Variants in DYNC1I1 observed in about 807,000 individuals in gnomAD.
DYNC1I1 encodes the protein cytoplasmic dynein 1 intermediate chain 1.
A neutral mutation model predicts 86.6 loss-of-function variants in DYNC1I1; 43 were observed. The observed-to-expected ratio is 0.50, with a 90% confidence interval of 0.39 to 0.64. The LOEUF is 0.64. DYNC1I1 is among the 30% of genes least tolerant of loss of function. The pLI is 0.00. For missense variants in DYNC1I1, 604 were observed against 788.8 expected, an observed-to-expected ratio of 0.77 and a Z score of 2.81; for synonymous variants, 262 against 283.7, an observed-to-expected ratio of 0.92 and a Z score of 0.77.
intron 10 of DYNC1I1, among the ~76,000 whole-genome samples, chr7:95,999,437 A>G (rs1793955821): frequency 6.6e-6 from 1 of 152,114 alleles, no homozygotes; most frequent in Admixed American, 6.5e-5. Context: ...TGAAACCCTC[A>G]CTATGTCAGG....
intron 6 of DYNC1I1, among the ~76,000 whole-genome samples, chr7:95,937,808 T>C (rs62467686): frequency 0.15 from 22,238 of 151,958 alleles, 2,035 homozygotes; most frequent in Non-Finnish European, 0.21. Flanking sequence ...GTAGAAGAAA[T>C]AAATATATAC....
chr7:96,032,335 C>A (rs1043267694), intron 11 of DYNC1I1, among the ~76,000 whole-genome samples: 1 of 152,144 alleles, frequency 6.6e-6, no homozygotes, highest in African/African-American at 2.4e-5. Context: ...CCAAACTATG[C>A]GGTGGAGACT....
chr7:96,081,615 C>G (rs1243668024), intron 16 of DYNC1I1, among the ~76,000 whole-genome samples: 1 of 151,952 alleles, frequency 6.6e-6, no homozygotes, highest in Non-Finnish European at 1.5e-5. Context: ...GAAAATATAC[C>G]ACATTTGTAT....
chr7:95,979,710 A>T (rs948061812), intron 7 of DYNC1I1, among the ~76,000 whole-genome samples: 6 of 152,220 alleles, frequency 3.9e-5, no homozygotes, highest in East Asian at 1.9e-4. Context: ...GACATTGAGA[A>T]GTTCAATCGT....
chr7:95,777,986 C>CT (rs1429801732), intron 1 of DYNC1I1, among the ~76,000 whole-genome samples: 1 of 152,130 alleles, frequency 6.6e-6, no homozygotes, highest in Non-Finnish European at 1.5e-5. Flanking sequence ...ATGTTGTAAA[C>CT]TTTGACAGTT....
intron 6 of DYNC1I1, among the ~76,000 whole-genome samples, chr7:95,934,084 A>C (rs1791975820): frequency 6.6e-6 from 1 of 152,124 alleles, no homozygotes; most frequent in Non-Finnish European, 1.5e-5. Context: ...AACAGTGATA[A>C]AGAAGAAAAT....
intron 10 of DYNC1I1, among the ~76,000 whole-genome samples, chr7:96,004,565 A>G (rs558181719): frequency 6.6e-6 from 1 of 152,124 alleles, no homozygotes; most frequent in East Asian, 1.9e-4. Flanking sequence ...TAAAATGTTC[A>G]TGATAAATAT....
intron 6 of DYNC1I1, among the ~76,000 whole-genome samples, chr7:95,878,777 G>A (rs1790373230): frequency 6.6e-6 from 1 of 152,050 alleles, no homozygotes; most frequent in Non-Finnish European, 1.5e-5. Context: ...CATAGACACA[G>A]CATAGTACAA....
intron 6 of DYNC1I1, among the ~76,000 whole-genome samples, chr7:95,969,643 C>T (rs1793114305): frequency 6.6e-6 from 1 of 152,166 alleles, no homozygotes. Flanking sequence ...TATCAGTGCT[C>T]TTACAAGTTT....
intron 6 of DYNC1I1, among the ~76,000 whole-genome samples, chr7:95,965,226 T>C (rs374848313): frequency 8.5e-5 from 13 of 152,240 alleles, no homozygotes; most frequent in East Asian, 7.7e-4. Context: ...TTTTCAACTG[T>C]GCTCCAAATA....
At chr7:95,874,900 G>A (rs1790267598) in intron 6 of DYNC1I1, among the ~76,000 whole-genome samples, 1 of 152,226 alleles carries the variant, frequency 6.6e-6, no homozygotes, top group Admixed American at 6.5e-5. Context: ...AGCTAACACA[G>A]CAAGATCATA....
intron 3 of DYNC1I1, among the ~76,000 whole-genome samples, chr7:95,811,671 C>T (rs1357467865): frequency 6.6e-6 from 1 of 152,028 alleles, no homozygotes; most frequent in Non-Finnish European, 1.5e-5. Context: ...CTATAATAAG[C>T]CCCAATAAGA....
At chr7:95,783,460 T>C (rs987951482) in intron 1 of DYNC1I1, among the ~76,000 whole-genome samples, 2 of 152,102 alleles carry the variant, frequency 1.3e-5, no homozygotes, top group African/African-American at 2.4e-5. Flanking sequence ...CAATGTCTAA[T>C]AGAGGGAAAA....
intron 7 of DYNC1I1, among the ~76,000 whole-genome samples, chr7:95,984,568 ATCT>A (rs1424312527): frequency 6.6e-5 from 10 of 152,278 alleles, no homozygotes; most frequent in African/African-American, 2.4e-4. Context: ...TTTATTTGTA[ATCT>A]TCTTCAACTC....
chr7:95,971,393 A>G (rs535901524), intron 6 of DYNC1I1, among the ~76,000 whole-genome samples: 9 of 152,380 alleles, frequency 5.9e-5, no homozygotes, highest in East Asian at 1.9e-4. Context: ...AAATTTAAAA[A>G]TATGTTATAA....
chr7:95,921,592 A>T (rs1390972788), intron 6 of DYNC1I1, among the ~76,000 whole-genome samples: 2 of 152,078 alleles, frequency 1.3e-5, no homozygotes, highest in East Asian at 3.9e-4. Context: ...GTCTTTGAGG[A>T]GCCAGTGGGT....
intron 14 of DYNC1I1, among the ~76,000 whole-genome samples, chr7:96,040,238 TTAAAATAAAATAAAA>T (rs556023241): frequency 6.6e-6 from 1 of 151,366 alleles, no homozygotes; most frequent in African/African-American, 2.4e-5. Context: ...CATCTCAAAA[TTAAAATAAAATAAAA>T]TAAAATAAAA....
chr7:95,995,029 C>T lies in DYNC1I1; in HGVS notation c.844-919C>T, dbSNP rs539149577. On this transcript the variant is annotated intron_variant, in intron 9 of 16. Transcript: ENST00000447467. ...TTGAGAGGCCGAGGCTGGTGGATCA[C>T]GAGGTCAGGAGATCGAGACCATCCT... Among the ~76,000 whole-genome samples the T allele has an allele frequency of 2.2e-4, 33 of 152,062 alleles. 1 individual carries two copies. The highest frequency in any genetic ancestry group is 1.3e-4 in the Admixed American group (2 of 15,270).
chr7:95,846,010 GT>G (rs1296325424), intron 5 of DYNC1I1, among the ~76,000 whole-genome samples: 1 of 152,106 alleles, frequency 6.6e-6, no homozygotes, highest in African/African-American at 2.4e-5. Context: ...TAGGCCAATT[GT>G]TAAGGAGGTG....
Sources: allele counts gnomAD v4.1 joint callset (sites outside exome capture counted in the v4.1 genomes callset), GRCh38; gene constraint gnomAD v4.1.1; transcripts MANE v1.5; gene names NCBI Gene and HGNC (gene_info 2026-07-23, HGNC 2026-07-21).